The following DPYD variants were observed in gnomAD, a reference collection of about 807,000 sequenced individuals.
The protein encoded by DPYD is dihydropyrimidine dehydrogenase [NADP(+)].
A neutral mutation model predicts 116.2 loss-of-function variants in DPYD; 109 were observed. That is an observed-to-expected ratio of 0.94 (90% CI 0.80 to 1.10). DPYD has a LOEUF of 1.10. Ranked by LOEUF, DPYD falls within the 50% of genes least tolerant of loss-of-function variation. The pLI is 0.00. For synonymous variants in DPYD, 440 were observed against 432.0 expected, an observed-to-expected ratio of 1.02 and a Z score of -0.23; for missense variants, 1,302 against 1,254.5, an observed-to-expected ratio of 1.04 and a Z score of -0.57.
chr1:97,237,810 C>A (rs1227903221), intron 18 of DPYD, among the ~76,000 whole-genome samples: 5 of 152,122 alleles, frequency 3.3e-5, no homozygotes, highest in African/African-American at 1.2e-4. Flanking sequence ...ATACACACTA[C>A]TTTGAAGTAA....
intron 16 of DPYD, among the ~76,000 whole-genome samples, chr1:97,323,434 A>ATATGTACACGTATGTATACATATGTGTC (rs1558030141): frequency 4.0e-4 from 40 of 100,486 alleles, no homozygotes; most frequent in African/African-American, 1.3e-3. Context: ...ACATATGTGT[A>ATATGTACACGTATGTATACATATGTGTC]TATGTACACG....
chr1:97,238,134 C>T (rs1662076924), intron 18 of DPYD, among the ~76,000 whole-genome samples: 2 of 152,036 alleles, frequency 1.3e-5, no homozygotes, highest in Admixed American at 1.3e-4. Flanking sequence ...AGACATTTTC[C>T]AATTTATGCT....
chr1:97,118,070 TG>T lies in DPYD; in HGVS notation c.2623-19439del, dbSNP rs1652120719. On this transcript the variant is annotated intron_variant, in intron 20 of 22. Coordinates refer to ENST00000370192, the MANE Select transcript of DPYD (RefSeq NM_000110.4). Reference sequence around the variant, plus strand: ...TTTTCATTCTTATAGAATACATTTTTGCTTCCTTTTTGCTTGAGATTTCATT... The same window carrying T: ...TTTTCATTCTTATAGAATACATTTTTCTTCCTTTTTGCTTGAGATTTCATT... Among the ~76,000 whole-genome samples the T allele has an allele frequency of 2.0e-5, 3 of 152,222 alleles. No individual in the cohort carries two copies. The South Asian group carries it at 6.2e-4, about 32-fold the overall frequency.
At chr1:97,226,013 T>G (rs182397364) in intron 19 of DPYD, among the ~76,000 whole-genome samples, 4 of 152,212 alleles carry the variant, frequency 2.6e-5, no homozygotes, top group Non-Finnish European at 5.9e-5. Flanking sequence ...CAAACTGAAT[T>G]CAACAGCACA....
chr1:97,588,582 GA>G (rs1471843900), intron 10 of DPYD, among the ~76,000 whole-genome samples: 1 of 152,164 alleles, frequency 6.6e-6, no homozygotes, highest in Non-Finnish European at 1.5e-5. Context: ...CATTTTGGGG[GA>G]TTCTGTTATC....
chr1:97,801,710 G>A (rs1034959725), intron 3 of DPYD, among the ~76,000 whole-genome samples: 4 of 151,844 alleles, frequency 2.6e-5, no homozygotes, highest in South Asian at 2.1e-4. Flanking sequence ...TCAGCAAATG[G>A]AAAGGCCCAT....
intron 14 of DPYD, among the ~76,000 whole-genome samples, chr1:97,393,291 C>CTT (rs58473176): frequency 2.5e-4 from 38 of 149,046 alleles, no homozygotes; most frequent in South Asian, 8.5e-4. Flanking sequence ...AGCCTATTTT[C>CTT]TTTTTTTTTT....
chr1:97,706,799 G>T (rs1395053799), intron 5 of DPYD, among the ~76,000 whole-genome samples: 1 of 152,062 alleles, frequency 6.6e-6, no homozygotes, highest in Non-Finnish European at 1.5e-5. Context: ...TGGTGATTAT[G>T]AATAAAGCTG....
chr1:97,785,286 A>G (rs2101232708), intron 3 of DPYD, among the ~76,000 whole-genome samples: 1 of 152,314 alleles, frequency 6.6e-6, no homozygotes, highest in East Asian at 1.9e-4. Flanking sequence ...ACTTTACTGA[A>G]TATGAGAAAG....
At chr1:97,198,282 C>CA (rs1214187085) in intron 19 of DPYD, among the ~76,000 whole-genome samples, 11 of 150,494 alleles carry the variant, frequency 7.3e-5, no homozygotes, top group Non-Finnish European at 1.3e-4. Context: ...ATGCTGACTG[C>CA]AAAAAAAAAT....
intron 11 of DPYD, among the ~76,000 whole-genome samples, chr1:97,556,708 G>A (rs1310387268): frequency 6.7e-6 from 1 of 149,466 alleles, no homozygotes; most frequent in Non-Finnish European, 1.5e-5. Context: ...TGGCTGCATA[G>A]TATTCCATGG....
chr1:97,328,133 G>A (rs1267237036), intron 16 of DPYD, among the ~76,000 whole-genome samples: 1 of 151,978 alleles, frequency 6.6e-6, no homozygotes, highest in Non-Finnish European at 1.5e-5. Context: ...GAGTATACAG[G>A]GCTTCTATGT....
intron 13 of DPYD, among the ~76,000 whole-genome samples, chr1:97,480,148 T>G (rs1204698271): frequency 1.3e-5 from 2 of 152,146 alleles, no homozygotes; most frequent in East Asian, 3.8e-4. Context: ...CTCTAGAAAT[T>G]TTAAATCTAT....
intron 13 of DPYD, among the ~76,000 whole-genome samples, chr1:97,481,313 G>A (rs2101881104): frequency 6.6e-6 from 1 of 152,288 alleles, no homozygotes; most frequent in South Asian, 2.1e-4. Flanking sequence ...GAGATCGGAG[G>A]TAGAGGCAGG....
At chr1:97,848,349 G>C (rs1183532848) in intron 2 of DPYD, among the ~76,000 whole-genome samples, 1 of 152,134 alleles carries the variant, frequency 6.6e-6, no homozygotes, top group Non-Finnish European at 1.5e-5. Context: ...CACCCACCTC[G>C]GCTTCCAAAA....
intron 8 of DPYD, among the ~76,000 whole-genome samples, chr1:97,677,307 T>C (rs1322965502): frequency 1.3e-5 from 2 of 152,184 alleles, no homozygotes; most frequent in Non-Finnish European, 2.9e-5. Flanking sequence ...TTAATAATTG[T>C]ATTAGTATAT....
intron 14 of DPYD, among the ~76,000 whole-genome samples, chr1:97,429,115 C>T (rs917857666): frequency 4.1e-4 from 62 of 151,928 alleles, no homozygotes; most frequent in African/African-American, 1.5e-3. Context: ...ATTATGTAGT[C>T]TTAATAATCA....
At chr1:97,644,577 C>T (rs1658137652) in intron 8 of DPYD, among the ~76,000 whole-genome samples, 1 of 151,564 alleles carries the variant, frequency 6.6e-6, no homozygotes, top group South Asian at 2.1e-4. Context: ...TCCAGGCGAG[C>T]ACCACCACAC....
At chr1:97,390,299 T>C (rs1672624310) in intron 14 of DPYD, among the ~76,000 whole-genome samples, 1 of 152,032 alleles carries the variant, frequency 6.6e-6, no homozygotes, top group African/African-American at 2.4e-5. Flanking sequence ...AGCAGCCAAG[T>C]TAGGTTTTGT....
Sources: gnomAD v4.1 joint callset for allele counts (sites outside exome capture counted in the v4.1 genomes callset) on GRCh38, gnomAD v4.1.1 for gene constraint, MANE v1.5 for transcripts, NCBI Gene and HGNC (gene_info 2026-07-23, HGNC 2026-07-21) for gene names.